PCDH15: variants seen among roughly 807,000 people sequenced by gnomAD.
PCDH15 encodes protocadherin-15.
A neutral mutation model predicts 178.5 loss-of-function variants in PCDH15; 129 were observed. The ratio of observed to expected loss-of-function variants is 0.72; its 90% confidence interval spans 0.63 to 0.84. The LOEUF (loss-of-function observed/expected upper bound fraction) is 0.84, where lower values mean the gene tolerates loss of function less well. PCDH15 is among the 40% of genes least tolerant of loss of function. The probability of loss-of-function intolerance (pLI) is 0.00; values close to 1 mark genes in which losing one functional copy is unlikely to be tolerated. For synonymous variants in PCDH15, 800 were observed against 732.0 expected, an observed-to-expected ratio of 1.09 and a Z score of -1.50; for missense variants, 2,230 against 2,099.9, an observed-to-expected ratio of 1.06 and a Z score of -1.21.
At chr10:54,389,416 T>G (rs7895226) in intron 3 of PCDH15, among the ~76,000 whole-genome samples, 130,119 of 152,132 alleles carry the variant, frequency 0.86, 55,875 homozygotes, top group East Asian at 0.99. Flanking sequence ...AATTATAACT[T>G]ATGATTTAGT....
At chr10:54,398,179 G>A (rs1951483232) in intron 3 of PCDH15, among the ~76,000 whole-genome samples, 1 of 151,432 alleles carries the variant, frequency 6.6e-6, no homozygotes, top group African/African-American at 2.4e-5. Context: ...TACATAAAAA[G>A]TAATAAAAAT....
chr10:55,106,170 A>T (rs1842669734), intron 2 of PCDH15, among the ~76,000 whole-genome samples: 1 of 152,132 alleles, frequency 6.6e-6, no homozygotes, highest in East Asian at 1.9e-4. Context: ...TATTTTCAGG[A>T]ATTTATCAGG....
intron 2 of PCDH15, among the ~76,000 whole-genome samples, chr10:55,544,176 T>TA (rs1841829310): frequency 1.1e-5 from 1 of 90,880 alleles, no homozygotes; most frequent in East Asian, 2.4e-4. Flanking sequence ...ATATATATAT[T>TA]ATACTGACAG....
intron 2 of PCDH15, among the ~76,000 whole-genome samples, chr10:55,582,624 A>ATTTTTTTTT (rs1477154346): frequency 3.2e-5 from 2 of 62,262 alleles, no homozygotes; most frequent in African/African-American, 6.3e-5. Flanking sequence ...ATATATATAT[A>ATTTTTTTTT]TATATTTTTT....
At chr10:54,476,784 T>C (rs2078304236) in intron 3 of PCDH15, among the ~76,000 whole-genome samples, 1 of 152,142 alleles carries the variant, frequency 6.6e-6, no homozygotes, top group Admixed American at 6.6e-5. Context: ...TATTCTGTGG[T>C]CATCTATGAA....
chr10:55,521,034 T>G (rs930509837), intron 2 of PCDH15, among the ~76,000 whole-genome samples: 1 of 151,958 alleles, frequency 6.6e-6, no homozygotes, highest in Non-Finnish European at 1.5e-5. Flanking sequence ...ATGCTGTATA[T>G]TAGACTCCCC....
At chr10:53,980,627 G>C (rs566755767) in intron 21 of PCDH15, among the ~76,000 whole-genome samples, 186 of 152,316 alleles carry the variant, frequency 1.2e-3, no homozygotes, top group Non-Finnish European at 7.8e-4. Context: ...CATGAGCTAA[G>C]TGTGTCATTC....
chr10:55,205,939 C>A (rs1225512827), intron 1 of PCDH15, among the ~76,000 whole-genome samples: 2 of 151,968 alleles, frequency 1.3e-5, no homozygotes, highest in East Asian at 3.9e-4. Context: ...AGAGCTTATG[C>A]AGAGACCCCT....
chr10:55,237,585 G>A (rs191446497), intron 1 of PCDH15, among the ~76,000 whole-genome samples: 22 of 152,154 alleles, frequency 1.4e-4, no homozygotes, highest in African/African-American at 4.6e-4. Context: ...TTAGTGCAAA[G>A]AGATCATTCT....
At chr10:55,373,496 A>G (rs1845553475) in intron 2 of PCDH15, among the ~76,000 whole-genome samples, 1 of 152,060 alleles carries the variant, frequency 6.6e-6, no homozygotes, top group Admixed American at 6.6e-5. Flanking sequence ...AAGCTGAGTG[A>G]TATCATACCT....
At chr10:53,815,013 A>G (rs1211902399) in intron 35 of PCDH15, among the ~76,000 whole-genome samples, 2 of 151,612 alleles carry the variant, frequency 1.3e-5, no homozygotes, top group East Asian at 1.9e-4. Context: ...AGTCAGATCC[A>G]TGAGTCAACC....
chr10:55,076,154 T>C (rs1431489566), intron 2 of PCDH15, among the ~76,000 whole-genome samples: 2 of 152,194 alleles, frequency 1.3e-5, no homozygotes, highest in African/African-American at 4.8e-5. Context: ...ATCTAACATA[T>C]GGCCTATTCT....
At chr10:54,777,915 C>G (rs1949878178) in intron 1 of PCDH15, among the ~76,000 whole-genome samples, 1 of 152,110 alleles carries the variant, frequency 6.6e-6, no homozygotes, top group South Asian at 2.1e-4. Context: ...TTACTGCAAT[C>G]AATCCTGCTG....
At chr10:55,209,593 G>A (rs1489886052) in intron 1 of PCDH15, among the ~76,000 whole-genome samples, 3 of 152,092 alleles carry the variant, frequency 2.0e-5, no homozygotes, top group Admixed American at 6.5e-5. Context: ...ATGAAAATGA[G>A]GGAGGAAATA....
chr10:54,643,066 G>A (rs2094029979), intron 2 of PCDH15, among the ~76,000 whole-genome samples: 1 of 152,126 alleles, frequency 6.6e-6, no homozygotes, highest in South Asian at 2.1e-4. Flanking sequence ...GGGATTACAG[G>A]TGCCTGCCAG....
At chr10:53,823,128 A>C (rs755693483) in intron 32 of PCDH15, 15 of 1,613,878 alleles carry the variant, frequency 9.3e-6, no homozygotes, top group Admixed American at 1.7e-5. Flanking sequence ...TACTTGACTT[A>C]TGTTTTCCTT....
intron 2 of PCDH15, among the ~76,000 whole-genome samples, chr10:55,078,325 G>C (rs997622226): frequency 6.6e-6 from 1 of 151,982 alleles, no homozygotes; most frequent in Non-Finnish European, 1.5e-5. Flanking sequence ...TCTGTCTGGG[G>C]GATTGCTTGG....
intron 2 of PCDH15, among the ~76,000 whole-genome samples, chr10:55,581,983 C>A (rs115057486): frequency 2.6e-3 from 390 of 152,176 alleles, no homozygotes; most frequent in African/African-American, 8.4e-3. Flanking sequence ...CAAGGACCTG[C>A]GATTATATGC....
intron 1 of PCDH15, among the ~76,000 whole-genome samples, chr10:55,280,269 CTTTTTTTTTTT>C (rs1007536850): frequency 9.1e-5 from 6 of 65,990 alleles, no homozygotes; most frequent in East Asian, 4.2e-4. Flanking sequence ...TATTTTGATT[CTTTTTTTTTTT>C]TTTTTTTTTT....
Sources: allele counts gnomAD v4.1 joint callset (sites outside exome capture counted in the v4.1 genomes callset), GRCh38; gene constraint gnomAD v4.1.1; transcripts MANE v1.5; gene names NCBI Gene and HGNC (gene_info 2026-07-23, HGNC 2026-07-21).